ANO6: variants seen among roughly 807,000 people sequenced by gnomAD.
The protein encoded by ANO6 is anoctamin 6.
A neutral mutation model predicts 117.5 loss-of-function variants in ANO6; 106 were observed. The observed-to-expected ratio is 0.90, with a 90% CI of 0.77 to 1.06. The LOEUF (loss-of-function observed/expected upper bound fraction) is 1.06. Among genes scored for constraint, ANO6 ranks in the 50% least tolerant of loss-of-function variants. The probability of loss-of-function intolerance (pLI) is 0.00; values close to 1 mark genes in which losing one functional copy is unlikely to be tolerated. For synonymous variants in ANO6, 367 were observed against 385.1 expected (o/e 0.95, Z 0.55); for missense variants, 955 against 1,121.1 (o/e 0.85, Z 2.12).
intron 2 of ANO6, among the ~76,000 whole-genome samples, chr12:45,311,455 A>G (rs904816429): frequency 2.0e-5 from 3 of 152,060 alleles, no homozygotes; most frequent in African/African-American, 7.2e-5. Flanking sequence ...CCTGCTCAGT[A>G]TTGGTAAAGC....
At chr12:45,216,464 G>A (rs991643827) in intron 1 of ANO6, 73 bp downstream of exon 1, 3 of 1,528,366 alleles carry the variant, frequency 2.0e-6, no homozygotes, top group Non-Finnish European at 1.8e-6. Flanking sequence ...GACTGCGCGG[G>A]GGCGCTGTGC....
chr12:45,352,560 T>TAAA (rs5797940), intron 7 of ANO6, among the ~76,000 whole-genome samples: 5 of 93,922 alleles, frequency 5.3e-5, no homozygotes, highest in African/African-American at 1.3e-4. Context: ...GATCCAGTCT[T>TAAA]AAAAAAAAAA....
At chr12:45,403,040 TA>T in intron 13 of ANO6, 31 bp from the exon 14 acceptor site, 1 of 1,608,222 alleles carries the variant, frequency 6.2e-7, no homozygotes, top group Non-Finnish European at 8.5e-7. Context: ...TTCACAATTT[TA>T]AAATCTTATT....
At chr12:45,401,708 A>G (rs1325743035) in intron 12 of ANO6, 87 bp from the exon 13 acceptor site, 3 of 1,077,290 alleles carry the variant, frequency 2.8e-6, no homozygotes, top group Non-Finnish European at 4.3e-6. Context: ...CTTTACACAC[A>G]CACCTTGTTA....
intron 17 of ANO6, among the ~76,000 whole-genome samples, chr12:45,419,582 G>C (rs527853608): frequency 2.6e-5 from 4 of 152,166 alleles, no homozygotes; most frequent in South Asian, 4.2e-4. Flanking sequence ...TTCTTGCTTT[G>C]CCTGAGATTT....
In ANO6 at chr12:45,432,304, T is replaced by C. The variant is rs566651280; in HGVS notation, c.*2993T>C. The C allele has an allele frequency of 1.1e-6, 1 of 905,340 alleles. No homozygotes were observed. Among genetic ancestry groups the C allele is most frequent in the South Asian group, 5.2e-5 (1 of 19,256 alleles). 56.1% of individuals were successfully genotyped at this position (905,340 alleles called of 1,614,324 possible). Reference sequence around the variant, plus strand: ...TGTTAATTTCTGTGCATTTTAATATTCTTTTATAATTATGAGCATTTTAAT... The same window carrying C: ...TGTTAATTTCTGTGCATTTTAATATCCTTTTATAATTATGAGCATTTTAAT... On this transcript the variant is annotated 3_prime_UTR_variant, in exon 20 of 20. Coordinates refer to ENST00000320560, the MANE Select transcript of ANO6 (RefSeq NM_001025356.3).
intron 3 of ANO6, 42 bp from the exon 4 acceptor site, chr12:45,346,980 G>C: frequency 1.3e-6 from 2 of 1,598,672 alleles, no homozygotes; most frequent in Non-Finnish European, 1.7e-6. Context: ...TCTGCCTTTG[G>C]TAAACTAAAG....
intron 2 of ANO6, among the ~76,000 whole-genome samples, chr12:45,304,761 T>C (rs997710366): frequency 2.0e-5 from 3 of 152,194 alleles, no homozygotes; most frequent in African/African-American, 7.2e-5. Flanking sequence ...TAAGAGAACA[T>C]TGCCAGTTGA....
rs143282037 is a variant in ANO6 at position 45,417,051 on chromosome 12, C to A, written c.2217+147C>A. On this transcript the variant is annotated intron_variant, in intron 17 of 19. Transcript: ENST00000320560. ...AAATGATATAGTTGCTATATATAAC[C>A]ACTTGTTAAATGTATTTTCATTTTG... is the stretch of plus-strand genomic sequence containing the variant. 768 of 780,680 alleles carry A rather than the reference C, an allele frequency of 9.8e-4. 7 individuals carry two copies. The African/African-American group carries it at 0.012, about 12-fold the overall frequency. The allele number at this position is 780,680 out of a possible 1,614,324, so 48.4% of individuals were successfully genotyped here.
chr12:45,228,168 G>A (rs1032430387), intron 1 of ANO6: 18 of 438,132 alleles, frequency 4.1e-5, no homozygotes, highest in Non-Finnish European at 7.7e-5. Flanking sequence ...CTGTTGCCAG[G>A]GCTGAAGTGC....
rs143439683 is a variant in ANO6 at position 45,316,780 on chromosome 12, TTATAC to T, written c.151-14511_151-14507del. ...TAAAAATATATGACATATATATGTA[TTATAC>T]TATTATAACATATGATGTAAAATTA... On this transcript the variant is annotated intron_variant, in intron 2 of 19. Transcript: ENST00000320560. Among the ~76,000 whole-genome samples, 96 of 151,432 alleles carry T rather than the reference TTATAC, an allele frequency of 6.3e-4. No homozygotes were observed. The East Asian group carries it at 0.018, about 29-fold the overall frequency.
At position 45,301,041 on chromosome 12, in the gene ANO6, G is replaced by A. The variant is rs529100082; in HGVS notation, c.71-973G>A. On this transcript the variant is annotated intron_variant, in intron 1 of 19. Coordinates refer to ENST00000320560, the MANE Select transcript of ANO6 (RefSeq NM_001025356.3). ...AATATGGTAGCCACTAGTCACAAAT[G>A]GCTATTGAGCTTTTGAAATGTGGCT... is the stretch of plus-strand genomic sequence containing the variant. Among the ~76,000 whole-genome samples the A allele has an allele frequency of 1.5e-4, 23 of 152,306 alleles. No homozygotes were observed. The South Asian group carries it at 4.1e-3, about 27-fold the overall frequency.
At chr12:45,378,838 T>C (rs73281545) in intron 10 of ANO6, among the ~76,000 whole-genome samples, 2,031 of 152,224 alleles carry the variant, frequency 0.013, 38 homozygotes, top group African/African-American at 0.047. Context: ...CACTTCTATG[T>C]GAGCGGATAT....
intron 1 of ANO6, among the ~76,000 whole-genome samples, chr12:45,231,308 A>G (rs905869699): frequency 1.3e-5 from 2 of 152,204 alleles, no homozygotes; most frequent in African/African-American, 2.4e-5. Flanking sequence ...AATACTCTCT[A>G]TCTAATTTGC....
intron 10 of ANO6, among the ~76,000 whole-genome samples, chr12:45,382,755 T>C (rs1157610880): frequency 6.6e-6 from 1 of 152,172 alleles, no homozygotes; most frequent in East Asian, 1.9e-4. Context: ...TGCATAGCAT[T>C]TGTCAAAAAA....
chr12:45,361,377 T>C (rs183839787), intron 8 of ANO6, among the ~76,000 whole-genome samples: 1 of 152,276 alleles, frequency 6.6e-6, no homozygotes, highest in East Asian at 1.9e-4. Context: ...TTTTTGTATA[T>C]TGATTTTTGT....
chr12:45,428,068 T>G (rs1420389608), intron 19 of ANO6, among the ~76,000 whole-genome samples: 5 of 152,046 alleles, frequency 3.3e-5, no homozygotes, highest in Admixed American at 3.3e-4. Flanking sequence ...AAATGGAACA[T>G]TCACATGACA....
chr12:45,280,277 G>A (rs1317328212), intron 1 of ANO6, among the ~76,000 whole-genome samples: 2 of 152,208 alleles, frequency 1.3e-5, no homozygotes, highest in East Asian at 3.9e-4. Context: ...AGTGGACATG[G>A]CATGTCACCG....
At chr12:45,246,899 G>A (rs1332708607) in intron 1 of ANO6, among the ~76,000 whole-genome samples, 1 of 151,468 alleles carries the variant, frequency 6.6e-6, no homozygotes, top group African/African-American at 2.4e-5. Flanking sequence ...CAAGTAGCTG[G>A]GATTACAGTT....
Sources: gnomAD v4.1 joint callset for allele counts (sites outside exome capture counted in the v4.1 genomes callset) on GRCh38, gnomAD v4.1.1 for gene constraint, MANE v1.5 for transcripts, NCBI Gene and HGNC (gene_info 2026-07-23, HGNC 2026-07-21) for gene names.